ATP10B: variants seen among roughly 807,000 people sequenced by gnomAD.
ATP10B encodes ATPase phospholipid transporting 10B (putative), also known as phospholipid-transporting ATPase VB.
Under a neutral mutation model 141.2 loss-of-function variants are expected in ATP10B, and 122 were observed. The ratio of observed to expected loss-of-function variants is 0.86; its 90% CI spans 0.75 to 1.00. The LOEUF is 1.00. ATP10B is among the 50% of genes least tolerant of loss of function. The probability of loss-of-function intolerance (pLI) is 0.00; values close to 1 mark genes in which losing one functional copy is unlikely to be tolerated. For synonymous variants in ATP10B, 685 were observed against 692.0 expected (o/e 0.99, Z 0.16); for missense variants, 1,876 against 1,825.3 (o/e 1.03, Z -0.51).
At chr5:160,651,792 T>C (rs1284730520) in intron 7 of ATP10B, among the ~76,000 whole-genome samples, 2 of 151,316 alleles carry the variant, frequency 1.3e-5, no homozygotes, top group Non-Finnish European at 2.9e-5. Context: ...CATCCAGGAG[T>C]TTCTAAAAAT....
At chr5:160,882,421 AG>A in the ATP10B span, among the ~76,000 whole-genome samples, 2 of 152,102 alleles carry the variant, frequency 1.3e-5, no homozygotes. Context: ...GATTGTTCTA[AG>A]AAAATACATT....
At chr5:160,585,379 C>T (rs375205504) in intron 24 of ATP10B, among the ~76,000 whole-genome samples, 2 of 152,092 alleles carry the variant, frequency 1.3e-5, no homozygotes, top group East Asian at 3.9e-4. Context: ...CTGAGACGGG[C>T]GGATCACGAG....
intron 21 of ATP10B, among the ~76,000 whole-genome samples, chr5:160,599,732 GCT>G (rs1419191302): frequency 6.6e-6 from 1 of 152,166 alleles, no homozygotes; most frequent in African/African-American, 2.4e-5. Flanking sequence ...TTTTTCTAAA[GCT>G]CTTTCTCACT....
At chr5:160,915,057 C>T in the ATP10B span, among the ~76,000 whole-genome samples, 2 of 152,128 alleles carry the variant, frequency 1.3e-5, no homozygotes, top group Admixed American at 1.3e-4. Context: ...AAGGAAGTAC[C>T]CTGAATTCAG....
chr5:160,566,276 C>T (rs2127591740), intron 25 of ATP10B, among the ~76,000 whole-genome samples: 1 of 152,354 alleles, frequency 6.6e-6, no homozygotes, highest in South Asian at 2.1e-4. Context: ...GTCAGAACCA[C>T]ACTCTCTGAA....
At chr5:160,835,090 T>C (rs1177621109) in intron 1 of ATP10B, among the ~76,000 whole-genome samples, 2 of 151,992 alleles carry the variant, frequency 1.3e-5, no homozygotes, top group African/African-American at 4.8e-5. Flanking sequence ...AGTGGGAGAA[T>C]GTTCAAAAGG....
At chr5:160,682,815 G>A (rs566408870) in intron 6 of ATP10B, among the ~76,000 whole-genome samples, 2 of 152,056 alleles carry the variant, frequency 1.3e-5, no homozygotes, top group South Asian at 4.2e-4. Context: ...CGAGGCGGGC[G>A]GATCACGAAG....
At chr5:160,867,086 T>C in the ATP10B span, among the ~76,000 whole-genome samples, 1 of 152,154 alleles carries the variant, frequency 6.6e-6, no homozygotes, top group African/African-American at 2.4e-5. Context: ...ACCTAACTTT[T>C]TTGAGCCTCA....
At chr5:160,872,152 A>AT in the ATP10B span, among the ~76,000 whole-genome samples, 1 of 152,014 alleles carries the variant, frequency 6.6e-6, no homozygotes. Flanking sequence ...AATGTTGAGC[A>AT]TTTTTTCATA....
chr5:160,762,756 T>C (rs531758855), intron 2 of ATP10B, among the ~76,000 whole-genome samples: 9 of 152,262 alleles, frequency 5.9e-5, no homozygotes, highest in African/African-American at 2.2e-4. Flanking sequence ...AATGTTCCAC[T>C]TAAAAGATAC....
At chr5:160,816,896 A>C (rs1304815905) in intron 1 of ATP10B, among the ~76,000 whole-genome samples, 1 of 152,242 alleles carries the variant, frequency 6.6e-6, no homozygotes, top group Admixed American at 6.5e-5. Context: ...AACCAAAGAC[A>C]AAAACCATAT....
At chr5:160,671,457 A>G (rs1331458418) in intron 6 of ATP10B, among the ~76,000 whole-genome samples, 1 of 152,164 alleles carries the variant, frequency 6.6e-6, no homozygotes, top group Non-Finnish European at 1.5e-5. Flanking sequence ...TGACGATAGG[A>G]AAGGCGAGGA....
At chr5:160,826,467 G>A (rs749555938) in intron 1 of ATP10B, among the ~76,000 whole-genome samples, 25 of 152,142 alleles carry the variant, frequency 1.6e-4, no homozygotes, top group Admixed American at 1.1e-3. Context: ...GTAAGCTGAG[G>A]ATGTACGTCT....
the ATP10B span, among the ~76,000 whole-genome samples, chr5:160,864,958 T>C: frequency 7.2e-5 from 11 of 152,140 alleles, no homozygotes; most frequent in Admixed American, 1.3e-4. Context: ...CCCATGCTCA[T>C]GGATGGGTAG....
In ATP10B at chr5:160,781,698, A is replaced by T. The variant is rs376054971; in HGVS notation, c.-331+3861T>A. Among the ~76,000 whole-genome samples, 6 of 152,306 alleles carry T rather than the reference A, an allele frequency of 3.9e-5. No homozygotes were observed. The South Asian group carries it at 1.2e-3, about 32-fold the overall frequency. On this transcript the variant is annotated intron_variant, in intron 2 of 25. Transcript: ENST00000327245. ...ACATAACAGAACCCATCCATTTTGC[A>T]ATCTATAGAATTCAGTATAAAGTCA...
At chr5:160,698,456 G>A (rs1425680787) in intron 3 of ATP10B, among the ~76,000 whole-genome samples, 1 of 152,078 alleles carries the variant, frequency 6.6e-6, no homozygotes, top group Non-Finnish European at 1.5e-5. Context: ...GGTAGGATTT[G>A]CAATTATATA....
intron 1 of ATP10B, among the ~76,000 whole-genome samples, chr5:160,803,529 A>G (rs1052404110): frequency 6.6e-6 from 1 of 152,068 alleles, no homozygotes; most frequent in African/African-American, 2.4e-5. Context: ...TACAAAAATT[A>G]GCCGGGCGTG....
intron 1 of ATP10B, among the ~76,000 whole-genome samples, chr5:160,831,924 G>T (rs910914781): frequency 2.6e-5 from 4 of 151,984 alleles, no homozygotes; most frequent in Non-Finnish European, 4.4e-5. Context: ...CTCTAAAAAC[G>T]AAAGTAGGTG....
chr5:160,828,757 C>A (rs377428207), intron 1 of ATP10B, among the ~76,000 whole-genome samples: 2 of 151,722 alleles, frequency 1.3e-5, no homozygotes, highest in South Asian at 2.1e-4. Context: ...CACATGCACA[C>A]GTATGTTTAT....
Sources: gnomAD v4.1 joint callset for allele counts (sites outside exome capture counted in the v4.1 genomes callset) on GRCh38, gnomAD v4.1.1 for gene constraint, MANE v1.5 for transcripts, NCBI Gene and HGNC (gene_info 2026-07-23, HGNC 2026-07-21) for gene names.